Variants in TEK observed in about 807,000 individuals in gnomAD.
The protein encoded by TEK is angiopoietin-1 receptor.
TEK carries 43 observed loss-of-function variants against 131.8 expected under a neutral mutation model. The ratio of observed to expected loss-of-function variants is 0.33; its 90% CI spans 0.26 to 0.42. TEK has a LOEUF of 0.42. TEK is among the 10% of genes least tolerant of loss of function. The pLI is 1.00. For missense variants in TEK, 1,162 were observed against 1,384.4 expected (o/e 0.84, Z 2.55); for synonymous variants, 580 against 491.6 (o/e 1.18, Z -2.38).
At chr9:27,154,995 A>G (rs1823277808) in intron 1 of TEK, among the ~76,000 whole-genome samples, 1 of 152,226 alleles carries the variant, frequency 6.6e-6, no homozygotes, top group Non-Finnish European at 1.5e-5. Flanking sequence ...CTATTAAATA[A>G]ACCACGGCCA....
intron 1 of TEK, among the ~76,000 whole-genome samples, chr9:27,141,908 T>G (rs779129660): frequency 1.2e-4 from 18 of 152,252 alleles, no homozygotes; most frequent in Non-Finnish European, 2.5e-4. Flanking sequence ...ACATTTAAAC[T>G]TTATTTTTTT....
rs371144976 is a variant in TEK, at chr9:27,190,516, A to C, written c.1328-13A>C. ...AGCCGAAGGACTAATCTGCCTTCTGAAATTGTATTTAGTTCTTCCAAAGCC... is the reference window on the plus strand; with the variant it reads ...AGCCGAAGGACTAATCTGCCTTCTGCAATTGTATTTAGTTCTTCCAAAGCC... On this transcript the variant is annotated splice_polypyrimidine_tract_variant and intron_variant, in intron 9 of 22. Transcript: ENST00000380036. The C allele has an allele frequency of 6.2e-7, 1 of 1,613,912 alleles. No homozygotes were observed. Among genetic ancestry groups the C allele is most frequent in the Non-Finnish European group, 8.5e-7 (1 of 1,179,810 alleles).
At chr9:27,191,060 G>T (rs547107521) in intron 10 of TEK, among the ~76,000 whole-genome samples, 5 of 152,300 alleles carry the variant, frequency 3.3e-5, no homozygotes, top group African/African-American at 1.2e-4. Flanking sequence ...TGCTGGAAGG[G>T]CAGAGAGGCT....
At chr9:27,127,184 T>C (rs62542753) in intron 1 of TEK, among the ~76,000 whole-genome samples, 19,305 of 152,230 alleles carry the variant, frequency 0.13, 1,528 homozygotes, top group Middle Eastern at 0.27. Context: ...CGTGTCCATG[T>C]GTTCTCATTG....
intron 1 of TEK, among the ~76,000 whole-genome samples, chr9:27,147,216 C>G (rs1436118814): frequency 3.9e-5 from 6 of 152,120 alleles, no homozygotes; most frequent in Non-Finnish European, 7.4e-5. Flanking sequence ...TACACATTCT[C>G]TTTAGCACTG....
chr9:27,123,066 A>AC, intron 1 of TEK, among the ~76,000 whole-genome samples: 1 of 150,058 alleles, frequency 6.7e-6, no homozygotes, highest in East Asian at 2.0e-4. Flanking sequence ...AAAAAAAAAA[A>AC]AAAAAAAAAA....
chr9:27,172,931 A>C (rs914093014), intron 5 of TEK, among the ~76,000 whole-genome samples, 184 bp downstream of exon 5: 1 of 152,164 alleles, frequency 6.6e-6, no homozygotes, highest in Non-Finnish European at 1.5e-5. Flanking sequence ...CAACCACTGG[A>C]AAGTTATAAT....
intron 1 of TEK, among the ~76,000 whole-genome samples, chr9:27,118,527 G>A (rs943834352): frequency 2.0e-5 from 3 of 152,128 alleles, no homozygotes; most frequent in African/African-American, 7.2e-5. Context: ...CCAGCAACCC[G>A]GGAGGCTGAG....
intron 5 of TEK, among the ~76,000 whole-genome samples, 156 bp downstream of exon 5, chr9:27,172,903 C>T (rs1824014042): frequency 6.6e-6 from 1 of 152,034 alleles, no homozygotes; most frequent in Non-Finnish European, 1.5e-5. Flanking sequence ...GTGCCTTTTC[C>T]TAAAGGTTCT....
At chr9:27,179,555 A>G (rs140043174) in intron 6 of TEK, among the ~76,000 whole-genome samples, 119 of 152,348 alleles carry the variant, frequency 7.8e-4, no homozygotes, top group African/African-American at 2.8e-3. Context: ...AATATGATAC[A>G]TTCCTTTTGG....
At chr9:27,184,481 G>A (rs1157972832) in intron 8 of TEK, among the ~76,000 whole-genome samples, 2 of 152,130 alleles carry the variant, frequency 1.3e-5, no homozygotes, top group African/African-American at 4.8e-5. Context: ...TTCTGAGGGA[G>A]GAATATGTAG....
chr9:27,228,865 G>C (rs1454542950), intron 22 of TEK, among the ~76,000 whole-genome samples: 1 of 152,112 alleles, frequency 6.6e-6, no homozygotes, highest in Non-Finnish European at 1.5e-5. Flanking sequence ...GAACCCAGAA[G>C]AAGGAACCCT....
chr9:27,149,865 G>T (rs1564061182), intron 1 of TEK, among the ~76,000 whole-genome samples: 1 of 152,164 alleles, frequency 6.6e-6, no homozygotes, highest in Non-Finnish European at 1.5e-5. Flanking sequence ...TGGTTCCAAA[G>T]ATGCATTTTT....
At chr9:27,204,884 C>T (rs750631674) in intron 13 of TEK, 27 bp from the exon 14 acceptor site, 2 of 1,613,190 alleles carry the variant, frequency 1.2e-6, no homozygotes, top group Admixed American at 1.7e-5. Flanking sequence ...ACTAAACTAC[C>T]TGCTTCACCT....
At chr9:27,164,827 C>G (rs1022246855) in intron 2 of TEK, among the ~76,000 whole-genome samples, 4 of 152,152 alleles carry the variant, frequency 2.6e-5, no homozygotes, top group Non-Finnish European at 4.4e-5. Flanking sequence ...TGAGCCACCG[C>G]CCCCAGGTTG....
chr9:27,134,814 A>G (rs1822357201), intron 1 of TEK, among the ~76,000 whole-genome samples: 2 of 152,212 alleles, frequency 1.3e-5, no homozygotes, highest in African/African-American at 4.8e-5. Context: ...AACCTTAGCA[A>G]TGTGCTCAGA....
intron 1 of TEK, among the ~76,000 whole-genome samples, chr9:27,112,162 G>A (rs979521428): frequency 4.6e-5 from 7 of 152,106 alleles, no homozygotes; most frequent in African/African-American, 1.4e-4. Context: ...GCCTCCCAAA[G>A]TGCTGGGATT....
intron 18 of TEK, 150 bp downstream of exon 18, chr9:27,213,747 T>C (rs1825717233): frequency 2.9e-6 from 2 of 682,914 alleles, no homozygotes; most frequent in Non-Finnish European, 5.4e-6. Flanking sequence ...AAACATTCTT[T>C]CTAAATGTTG....
intron 6 of TEK, among the ~76,000 whole-genome samples, chr9:27,175,464 T>G (rs1824131100): frequency 6.6e-6 from 1 of 152,134 alleles, no homozygotes; most frequent in South Asian, 2.1e-4. Context: ...GCATGTGTCT[T>G]TATAGCATCA....
Sources: gnomAD v4.1 joint callset for allele counts (sites outside exome capture counted in the v4.1 genomes callset) on GRCh38, gnomAD v4.1.1 for gene constraint, MANE v1.5 for transcripts, NCBI Gene and HGNC (gene_info 2026-07-23, HGNC 2026-07-21) for gene names.